The following USP6NL variants were observed in gnomAD, a reference collection of about 807,000 sequenced individuals.
The protein encoded by USP6NL is USP6 N-terminal-like protein.
Under a neutral mutation model 61.9 loss-of-function variants are expected in USP6NL, and 26 were observed. That is an observed-to-expected ratio of 0.42 (90% CI 0.31 to 0.58). The LOEUF (loss-of-function observed/expected upper bound fraction) is 0.58, where lower values mean the gene tolerates loss of function less well. USP6NL is among the 20% of genes least tolerant of loss of function. The pLI is 0.16. For synonymous variants in USP6NL, 432 were observed against 390.1 expected, an observed-to-expected ratio of 1.11 and a Z score of -1.27; for missense variants, 1,114 against 1,034.3, an observed-to-expected ratio of 1.08 and a Z score of -1.06.
chr10:11,472,871 T>C (rs780619842), intron 14 of USP6NL, among the ~76,000 whole-genome samples: 15 of 152,246 alleles, frequency 9.9e-5, no homozygotes, highest in East Asian at 5.8e-4. Flanking sequence ...GAGACTATTA[T>C]GTAAACACAT....
At chr10:11,607,043 C>T (rs1407028206) in intron 1 of USP6NL, among the ~76,000 whole-genome samples, 1 of 152,106 alleles carries the variant, frequency 6.6e-6, no homozygotes, top group Non-Finnish European at 1.5e-5. Flanking sequence ...ACCCACCTGG[C>T]CCTCCAAAGT....
rs1334253044 is a variant in USP6NL, at chr10:11,474,158, T to TTTAA, written c.1078+7611_1078+7612insTTAA. ...TGGCAAAGTTTAAGAGAATCAAAGG[T>TTTAA]GATTAATTCTGTAGTTTTTTGCATT... On this transcript the variant is annotated intron_variant, in intron 14 of 14. Transcript: ENST00000609104. This position sits in a 1 kb window ranked among gnomAD's most constrained non-coding sequence, Gnocchi z 4.9. Among the ~76,000 whole-genome samples the TTTAA allele has an allele frequency of 6.6e-6, 1 of 152,200 alleles. No individual in the cohort carries two copies. Among genetic ancestry groups the TTTAA allele is most frequent in the Admixed American group, 6.5e-5 (1 of 15,286 alleles).
rs1047391542 is a variant in USP6NL, at chr10:11,553,248, C to T, written c.5-25681G>A. 2.6e-5 allele frequency among the ~76,000 whole-genome samples: 4 copies of T among 152,268 alleles called. No individual in the cohort carries two copies. The highest frequency in any genetic ancestry group is 6.5e-5 in the Admixed American group (1 of 15,294). On this transcript the variant is annotated intron_variant, in intron 2 of 14. Transcript: ENST00000609104. The surrounding 1 kb of genome is among the most constrained non-coding windows in gnomAD (Gnocchi z 4.8). ...GAAAAAGCTGTTTCAAGACAGTGTA[C>T]GATAATCCCAAGTGTGATCTATTGG...
Position 11,510,068 on chromosome 10 carries a change from T to C in USP6NL, c.196-393A>G, listed in dbSNP as rs1053261172. 2.0e-5 allele frequency among the ~76,000 whole-genome samples: 3 copies of C among 152,234 alleles called. No individual in the cohort carries two copies. Among genetic ancestry groups the C allele is most frequent in the Non-Finnish European group, 4.4e-5 (3 of 68,040 alleles). ...CTGAATTCTAGTATATTGTTGTTTTTAGCGAGAGTTTTTTAAAGGAAAAGT... is the reference window on the plus strand; with the variant it reads ...CTGAATTCTAGTATATTGTTGTTTTCAGCGAGAGTTTTTTAAAGGAAAAGT... On this transcript the variant is annotated intron_variant, in intron 5 of 14. Coordinates refer to ENST00000609104, the MANE Select transcript of USP6NL (RefSeq NM_014688.5). The surrounding 1 kb of genome is among the most constrained non-coding windows in gnomAD (Gnocchi z 4.8).
chr10:11,471,122 T>C (rs559143305), intron 14 of USP6NL, among the ~76,000 whole-genome samples: 1 of 152,074 alleles, frequency 6.6e-6, no homozygotes, highest in East Asian at 1.9e-4. Context: ...GAGGCGGAGC[T>C]TGCAGTGAGC....
chr10:11,579,477 A>G (rs981591143), intron 2 of USP6NL, among the ~76,000 whole-genome samples: 6 of 152,222 alleles, frequency 3.9e-5, no homozygotes, highest in Non-Finnish European at 8.8e-5. Context: ...CAGTGCGCAC[A>G]TGACACTTTC....
chr10:11,490,822 C>A lies in USP6NL; in HGVS notation c.543+10G>T. The A allele has an allele frequency of 6.4e-7, 1 of 1,553,588 alleles. No individual in the cohort carries two copies. Among genetic ancestry groups the A allele is most frequent in the African/African-American group, 1.4e-5 (1 of 73,018 alleles). ...ACTCAAAGACCTTGGGCAGGCAGGC[C>A]CCAACTTACCGTGTTATAAATAGAA... On this transcript the variant is annotated intron_variant, in intron 9 of 14. Transcript: ENST00000609104. The surrounding 1 kb of genome is among the most constrained non-coding windows in gnomAD (Gnocchi z 4.5).
intron 5 of USP6NL, 81 bp from the exon 6 acceptor site, chr10:11,509,756 C>A (rs1297046707): frequency 2.5e-6 from 3 of 1,200,726 alleles, no homozygotes; most frequent in African/African-American, 3.1e-5. Context: ...GAAAATGCTT[C>A]TAAAAAAGGA....
rs1196278715 is a variant in USP6NL at position 11,528,530 on chromosome 10, T to TA, written c.5-964dup. 6.6e-6 allele frequency among the ~76,000 whole-genome samples: 1 copy of TA among 152,122 alleles called. No individual in the cohort carries two copies. Among genetic ancestry groups the TA allele is most frequent in the Non-Finnish European group, 1.5e-5 (1 of 68,022 alleles). The stretch of plus-strand genomic sequence containing the variant: ...CATCATTATGAATCCTACACCGCGA[T>TA]AAAAAAGAGGCTTAGAGATTTTACG... On this transcript the variant is annotated intron_variant, in intron 2 of 14. Coordinates refer to ENST00000609104, the MANE Select transcript of USP6NL (RefSeq NM_014688.5). The surrounding 1 kb of genome is among the most constrained non-coding windows in gnomAD (Gnocchi z 4.6).
chr10:11,551,438 A>G (rs1836485463), intron 2 of USP6NL, among the ~76,000 whole-genome samples: 1 of 152,274 alleles, frequency 6.6e-6, no homozygotes, highest in Non-Finnish European at 1.5e-5. Context: ...AGATCAGACC[A>G]TGTCATTTAC....
Position 11,553,645 on chromosome 10 carries a change from G to A in USP6NL, c.5-26078C>T, listed in dbSNP as rs188114126. On this transcript the variant is annotated intron_variant, in intron 2 of 14. Transcript: ENST00000609104. This position sits in a 1 kb window ranked among gnomAD's most constrained non-coding sequence, Gnocchi z 4.8. ...TGTGGTGGCTCATGCCTGTAATCCC[G>A]GTACGTTGGAAGGCTGAGGTGGGTG... Among the ~76,000 whole-genome samples the A allele has an allele frequency of 3.3e-5, 5 of 151,976 alleles. No individual in the cohort carries two copies. The highest frequency in any genetic ancestry group is 7.4e-5 in the Non-Finnish European group (5 of 67,996).
chr10:11,562,843 G>T lies in USP6NL; in HGVS notation c.4+34788C>A. On this transcript the variant is annotated intron_variant, in intron 2 of 14. Transcript: ENST00000609104. This position sits in a 1 kb window ranked among gnomAD's most constrained non-coding sequence, Gnocchi z 4.8. ...AAGTTTTAGAAGAATAATAGTAAGG[G>T]TCTTTTGGTAGTTTCTTGAAAAAGT... The T allele has an allele frequency of 1.1e-6, 1 of 937,762 alleles. No individual in the cohort carries two copies. Among genetic ancestry groups the T allele is most frequent in the Non-Finnish European group, 1.3e-6 (1 of 786,740 alleles). 58.1% of individuals were successfully genotyped at this position (937,762 alleles called of 1,614,324 possible).
At chr10:11,477,028 C>A (rs1030352587) in intron 14 of USP6NL, among the ~76,000 whole-genome samples, 1 of 152,100 alleles carries the variant, frequency 6.6e-6, no homozygotes, top group South Asian at 2.1e-4. Context: ...CCTGCCACCA[C>A]GCCCCGCTGA....
chr10:11,529,768 C>A (rs570815542), intron 2 of USP6NL, among the ~76,000 whole-genome samples: 13 of 152,106 alleles, frequency 8.5e-5, no homozygotes, highest in Non-Finnish European at 1.5e-4. Context: ...CTTCTGCTGT[C>A]CAATTTTAAA....
chr10:11,522,616 T>C (rs1057428051), intron 4 of USP6NL, among the ~76,000 whole-genome samples: 1 of 152,232 alleles, frequency 6.6e-6, no homozygotes, highest in African/African-American at 2.4e-5. Flanking sequence ...TAGGACCACA[T>C]CATGGAGTAA....
chr10:11,482,736 T>G lies in USP6NL; in HGVS notation c.926-814A>C, dbSNP rs1164809264. Among the ~76,000 whole-genome samples, 1 of 152,198 alleles carries G rather than the reference T, an allele frequency of 6.6e-6. No homozygotes were observed. Among genetic ancestry groups the G allele is most frequent in the Non-Finnish European group, 1.5e-5 (1 of 68,024 alleles). The stretch of plus-strand genomic sequence containing the variant: ...GATTTTTTATTATTTAAAACCACTG[T>G]GTGATGAACCTCCAGTAACAACGTA... On this transcript the variant is annotated intron_variant, in intron 13 of 14. Coordinates refer to ENST00000609104, the MANE Select transcript of USP6NL (RefSeq NM_014688.5). This position sits in a 1 kb window ranked among gnomAD's most constrained non-coding sequence, Gnocchi z 4.0.
intron 7 of USP6NL, 141 bp downstream of exon 7, chr10:11,500,960 T>G (rs966079164): frequency 1.7e-6 from 1 of 584,206 alleles, no homozygotes. Context: ...AGAAAACAAA[T>G]AGACCTCCAA....
chr10:11,541,230 C>CATAT (rs71378797), intron 2 of USP6NL, among the ~76,000 whole-genome samples: 500 of 43,134 alleles, frequency 0.012, 17 homozygotes, highest in Middle Eastern at 0.019. Flanking sequence ...TCAATAGTGC[C>CATAT]ATATATATAT....
In USP6NL at chr10:11,485,696, T is replaced by A; in HGVS notation, c.759+121A>T. ...TAAACAACTGGGAATTATAACTGCA[T>A]AGTAAATGAAATGGATGACACTATA... On this transcript the variant is annotated intron_variant, in intron 11 of 14. Transcript: ENST00000609104. This position sits in a 1 kb window ranked among gnomAD's most constrained non-coding sequence, Gnocchi z 4.8. 3.0e-6 allele frequency: 2 copies of A among 661,138 alleles called. No individual in the cohort carries two copies. The highest frequency in any genetic ancestry group is 5.1e-6 in the Non-Finnish European group (2 of 393,360). The allele number at this position is 661,138 out of a possible 1,614,324, so 41.0% of individuals were successfully genotyped here. A position where few individuals can be genotyped will look rare whatever the true frequency, so the allele number is the denominator to read the frequency against.
Sources: allele counts gnomAD v4.1 joint callset (sites outside exome capture counted in the v4.1 genomes callset), GRCh38; gene constraint gnomAD v4.1.1; non-coding constraint Gnocchi (gnomAD v3.1); transcripts MANE v1.5; gene names NCBI Gene and HGNC (gene_info 2026-07-23, HGNC 2026-07-21).